The following IFTAP variants were observed in gnomAD, a reference collection of about 807,000 sequenced individuals.
IFTAP encodes intraflagellar transport associated protein, also known as intraflagellar transport-associated protein.
IFTAP carries 19 observed loss-of-function variants against 19.4 expected under a neutral mutation model. That is an observed-to-expected ratio of 0.98 (90% CI 0.68 to 1.44). IFTAP has a LOEUF of 1.44. Among genes scored for constraint, IFTAP ranks in the 40% most tolerant of loss-of-function variants. The probability of loss-of-function intolerance (pLI) is 0.00; values close to 1 mark genes in which losing one functional copy is unlikely to be tolerated. For missense variants in IFTAP, 240 were observed against 253.6 expected (o/e 0.95, Z 0.36); for synonymous variants, 85 against 83.5 (o/e 1.02, Z -0.10).
In IFTAP at chr11:36,653,408, C is replaced by G. The variant is rs888551278; in HGVS notation, c.498+5253C>G. Among the ~76,000 whole-genome samples the G allele has an allele frequency of 2.0e-5, 3 of 152,266 alleles. No homozygotes were observed. In the East Asian group the frequency reaches 5.8e-4, roughly 29 times the overall value. ...CTTTCAGCTCCTTAGGCAAAAATAA[C>G]AAGTTAATAACTTAATTCATGGTTG... On this transcript the variant is annotated intron_variant, in intron 5 of 5. Coordinates refer to ENST00000334307, the MANE Select transcript of IFTAP (RefSeq NM_138787.4).
intron 1 of IFTAP, 89 bp from the exon 2 acceptor site, chr11:36,609,992 T>G: frequency 8.3e-7 from 1 of 1,201,766 alleles, no homozygotes; most frequent in South Asian, 1.4e-5. Context: ...TTTTGGAGCC[T>G]TGGAATTTTT....
In IFTAP at chr11:36,628,656, A is replaced by T. The variant is rs997091967; in HGVS notation, c.137-4628A>T. ...CTCCGTAACTCAGCCACCACACAGA[A>T]TTTTTTTTTCTGTCTGAAAATAAGC... On this transcript the variant is annotated intron_variant, in intron 2 of 5. Coordinates refer to ENST00000334307, the MANE Select transcript of IFTAP (RefSeq NM_138787.4). Among the ~76,000 whole-genome samples, 11 of 150,838 alleles carry T rather than the reference A, an allele frequency of 7.3e-5. 1 individual carries two copies. Among genetic ancestry groups the T allele is most frequent in the African/African-American group, 2.7e-4 (11 of 40,442 alleles).
intron 1 of IFTAP, among the ~76,000 whole-genome samples, chr11:36,604,755 G>T (rs1161333293): frequency 6.6e-6 from 1 of 152,016 alleles, no homozygotes; most frequent in South Asian, 2.1e-4. Flanking sequence ...ACCCATTACT[G>T]CTCATCAATA....
At chr11:36,642,909 T>C (rs557031204) in intron 4 of IFTAP, among the ~76,000 whole-genome samples, 72 of 152,276 alleles carry the variant, frequency 4.7e-4, no homozygotes, top group Non-Finnish European at 7.8e-4. Flanking sequence ...TCATACTGAA[T>C]GGGCAAAAAC....
chr11:36,628,899 T>C (rs939488399), intron 2 of IFTAP, among the ~76,000 whole-genome samples: 1 of 151,254 alleles, frequency 6.6e-6, no homozygotes, highest in Non-Finnish European at 1.5e-5. Context: ...AGCACAGTTA[T>C]TCCTGACTGG....
chr11:36,619,830 T>G (rs1236692093), intron 2 of IFTAP, among the ~76,000 whole-genome samples: 1 of 152,040 alleles, frequency 6.6e-6, no homozygotes, highest in Non-Finnish European at 1.5e-5. Context: ...TGTTTCCTTT[T>G]TAACGTTAGC....
Position 36,636,088 on chromosome 11 carries a change from A to C in IFTAP, c.329A>C (p.Asp110Ala). Residue 110 changes from aspartate to alanine, a missense_variant, in exon 4 of 6, where the codon GAT becomes GCT. Asp to Ala is a moderately radical substitution (Grantham distance 126). Coordinates refer to ENST00000334307, the MANE Select transcript of IFTAP (RefSeq NM_138787.4). Reference sequence around the variant, plus strand: ...CTAGATTTAGAAGATTTGGACATGGATGAAGAGATTAAACCCCAAATGAGT... The same window carrying C: ...CTAGATTTAGAAGATTTGGACATGGCTGAAGAGATTAAACCCCAAATGAGT... ...NFLDLEDLDM[D>A]EEIKPQMSED... 6.2e-7 allele frequency: 1 copy of C among 1,608,760 alleles called. No homozygotes were observed. The highest frequency in any genetic ancestry group is 8.5e-7 in the Non-Finnish European group (1 of 1,175,306).
chr11:36,649,284 A>T (rs1853611340), intron 5 of IFTAP, among the ~76,000 whole-genome samples: 1 of 152,164 alleles, frequency 6.6e-6, no homozygotes, highest in African/African-American at 2.4e-5. Context: ...TATATCCAGG[A>T]TGCGTGCAGG....
rs1404622812 is a variant in IFTAP at position 36,650,326 on chromosome 11, A to G, written c.498+2171A>G. 2.0e-5 allele frequency among the ~76,000 whole-genome samples: 3 copies of G among 151,916 alleles called. No individual in the cohort carries two copies. In the East Asian group the frequency reaches 5.8e-4, roughly 29 times the overall value. The stretch of plus-strand genomic sequence containing the variant: ...TTAATTGCCTATTAAGATTCCATCA[A>G]CTTTCTGATATGAATTGGACCAACT... On this transcript the variant is annotated intron_variant, in intron 5 of 5. Coordinates refer to ENST00000334307, the MANE Select transcript of IFTAP (RefSeq NM_138787.4).
intron 1 of IFTAP, among the ~76,000 whole-genome samples, chr11:36,600,575 G>A (rs1289016358): frequency 2.0e-5 from 3 of 152,312 alleles, no homozygotes; most frequent in African/African-American, 7.2e-5. Flanking sequence ...TGTCCTCCAC[G>A]AAACTAGTCT....
chr11:36,611,406 C>G (rs562277545), intron 2 of IFTAP, among the ~76,000 whole-genome samples: 3 of 152,050 alleles, frequency 2.0e-5, no homozygotes, highest in Non-Finnish European at 2.9e-5. Context: ...AAAACCTCCT[C>G]TGGTGCTTCT....
At chr11:36,658,062 A>G (rs563146553) in intron 5 of IFTAP, among the ~76,000 whole-genome samples, 11 of 152,354 alleles carry the variant, frequency 7.2e-5, no homozygotes, top group Admixed American at 5.9e-4. Flanking sequence ...TCTGAGCTAC[A>G]TGCTACATTT....
intron 2 of IFTAP, among the ~76,000 whole-genome samples, chr11:36,619,955 A>AGACATAGGACATGG (rs1852234914): frequency 6.6e-6 from 1 of 151,290 alleles, no homozygotes; most frequent in African/African-American, 2.4e-5. Flanking sequence ...CTTTAACTGA[A>AGACATAGGACATGG]GACATAGGCC....
chr11:36,642,555 A>G (rs570437958), intron 4 of IFTAP, among the ~76,000 whole-genome samples: 1 of 152,300 alleles, frequency 6.6e-6, no homozygotes, highest in Non-Finnish European at 1.5e-5. Context: ...ACACAACAAA[A>G]AAAGAGAATT....
intron 2 of IFTAP, among the ~76,000 whole-genome samples, chr11:36,623,362 C>T (rs1273340962): frequency 1.3e-5 from 2 of 150,922 alleles, no homozygotes; most frequent in African/African-American, 2.4e-5. Flanking sequence ...ATACTCCCCC[C>T]CCCACTCAAA....
At chr11:36,648,406 A>G (rs193267168) in intron 5 of IFTAP, 1 of 373,704 alleles carries the variant, frequency 2.7e-6, no homozygotes, top group African/African-American at 2.1e-5. Flanking sequence ...GATCAGTGCT[A>G]CCCAAGGACT....
chr11:36,598,784 T>C (rs1161925650), intron 1 of IFTAP, among the ~76,000 whole-genome samples: 1 of 152,192 alleles, frequency 6.6e-6, no homozygotes. Flanking sequence ...AGTAGAGTCA[T>C]CTTAATCCTT....
chr11:36,659,049 C>T lies in IFTAP; in HGVS notation c.529C>T (p.Leu177Phe). 1 of 1,600,290 alleles carries T rather than the reference C, an allele frequency of 6.2e-7. No individual in the cohort carries two copies. Among genetic ancestry groups the T allele is most frequent in the Non-Finnish European group, 8.5e-7 (1 of 1,173,938 alleles). The change falls in exon 6 of 6, where the codon CTT (leucine) becomes TTT (phenylalanine). Residue 177 changes from leucine to phenylalanine, a missense_variant. By Grantham distance (22) the Leu-to-Phe change is conservative (BLOSUM62 0). Transcript: ENST00000334307. ...ILGDEVQLFS[L>F]DEEFDYDNVM... ...TGGAGATGAAGTTCAACTTTTTTCA[C>T]TTGATGAAGAATTTGATTATGACAA...
chr11:36,601,915 G>A (rs934648207), intron 1 of IFTAP, among the ~76,000 whole-genome samples: 3 of 152,212 alleles, frequency 2.0e-5, no homozygotes, highest in African/African-American at 4.8e-5. Context: ...TCCTTCCCAA[G>A]TGCTGGGGTT....
Sources: allele counts gnomAD v4.1 joint callset (sites outside exome capture counted in the v4.1 genomes callset), GRCh38; gene constraint gnomAD v4.1.1; transcripts MANE v1.5; gene names NCBI Gene and HGNC (gene_info 2026-07-23, HGNC 2026-07-21).